STAG2: variants seen among roughly 807,000 people sequenced by gnomAD.
The protein encoded by STAG2 is STAG2 cohesin complex component.
In STAG2, 14 loss-of-function variants were observed where a neutral mutation model predicts 108.1. That is an observed-to-expected ratio of 0.13 (90% CI 0.09 to 0.20). The LOEUF (loss-of-function observed/expected upper bound fraction) is 0.20. Among genes scored for constraint, STAG2 ranks in the 10% least tolerant of loss-of-function variants. The probability of loss-of-function intolerance (pLI) is 1.00; values close to 1 mark genes in which losing one functional copy is unlikely to be tolerated. For synonymous variants in STAG2, 307 were observed against 302.7 expected, an observed-to-expected ratio of 1.01 and a Z score of -0.15; for missense variants, 440 against 940.9, an observed-to-expected ratio of 0.47 and a Z score of 6.96.
intron 5 of STAG2, among the ~76,000 whole-genome samples, chrX:124,036,289 C>T (rs1028680450): frequency 8.9e-6 from 1 of 112,064 alleles, no homozygotes; most frequent in African/African-American, 3.2e-5. Context: ...AGAAACATTT[C>T]CCTCTCCCAA....
intron 6 of STAG2, 81 bp downstream of exon 6, chrX:124,037,704 T>G: frequency 1.9e-6 from 1 of 522,282 alleles, no homozygotes; most frequent in Non-Finnish European, 2.9e-6. Context: ...GTTAGCACTT[T>G]ACATGGTAAA....
chrX:124,099,130 A>C, intron 34 of STAG2, among the ~76,000 whole-genome samples: 1 of 111,666 alleles, frequency 9.0e-6, no homozygotes, highest in Admixed American at 9.5e-5. Flanking sequence ...GCTCCATGTA[A>C]TGGAGCTAAT....
chrX:123,986,137 C>T (rs2055174472), intron 1 of STAG2, among the ~76,000 whole-genome samples: 1 of 103,819 alleles, frequency 9.6e-6, no homozygotes, highest in African/African-American at 3.5e-5. Context: ...ATATATGTAT[C>T]ATATATGTAT....
chrX:124,003,622 C>A (rs1012301312), intron 1 of STAG2: 2 of 110,138 alleles, frequency 1.8e-5, no homozygotes, highest in South Asian at 3.9e-4. Context: ...TGGGGTTTCA[C>A]CATGTTGGCC....
chrX:124,030,189 T>C (rs1380262827), intron 4 of STAG2, among the ~76,000 whole-genome samples: 1 of 111,996 alleles, frequency 8.9e-6, no homozygotes, highest in African/African-American at 3.2e-5. Flanking sequence ...AAGGTACATA[T>C]TTGATAATGA....
At chrX:123,998,415 C>T (rs1308799837) in intron 1 of STAG2, among the ~76,000 whole-genome samples, 4 of 106,968 alleles carry the variant, frequency 3.7e-5, no homozygotes, top group Non-Finnish European at 7.7e-5. Flanking sequence ...AAGTAATCCA[C>T]CCGTCTTAGC....
intron 1 of STAG2, among the ~76,000 whole-genome samples, chrX:123,997,315 A>G (rs1036569674): frequency 8.0e-5 from 9 of 112,596 alleles, no homozygotes; most frequent in Non-Finnish European, 1.7e-4. Context: ...TATATATAAC[A>G]AAATTTTCTA....
intron 1 of STAG2, among the ~76,000 whole-genome samples, chrX:124,002,380 T>C (rs772026346): frequency 2.7e-5 from 3 of 111,887 alleles, no homozygotes; most frequent in Admixed American, 1.9e-4. Flanking sequence ...TCCCAACTCT[T>C]TGGGAGGCCA....
intron 1 of STAG2, among the ~76,000 whole-genome samples, chrX:124,008,035 A>G (rs2056367651): frequency 9.0e-6 from 1 of 111,336 alleles, no homozygotes; most frequent in Admixed American, 9.6e-5. Context: ...ATGGTTAGCC[A>G]AAGTAGGTGA....
chrX:124,001,084 A>G (rs2056013028), intron 1 of STAG2, among the ~76,000 whole-genome samples: 1 of 111,388 alleles, frequency 9.0e-6, no homozygotes, highest in Non-Finnish European at 1.9e-5. Flanking sequence ...ATTATTGAAG[A>G]AGAAAAAAAA....
At chrX:123,983,213 T>A (rs2054973851) in intron 1 of STAG2, among the ~76,000 whole-genome samples, 1 of 110,358 alleles carries the variant, frequency 9.1e-6, no homozygotes, top group Admixed American at 9.6e-5. Context: ...TACAGTAGTT[T>A]TTAGTAAATT....
At chrX:123,969,238 T>A (rs2054239260) in intron 1 of STAG2, among the ~76,000 whole-genome samples, 1 of 111,371 alleles carries the variant, frequency 9.0e-6, no homozygotes, top group African/African-American at 3.3e-5. Flanking sequence ...ATTGTATTCT[T>A]GAATTTTTTG....
intron 30 of STAG2, among the ~76,000 whole-genome samples, chrX:124,088,615 C>CTT (rs35629422): frequency 0.026 from 2,125 of 82,203 alleles, 58 homozygotes; most frequent in Middle Eastern, 0.1. Flanking sequence ...TATGTATAAT[C>CTT]TTTTTTTTTT....
intron 1 of STAG2, among the ~76,000 whole-genome samples, chrX:124,007,295 G>A (rs1000244132): frequency 5.4e-5 from 6 of 111,361 alleles, no homozygotes; most frequent in East Asian, 2.8e-4. Context: ...GGGATTACAA[G>A]TGTGAGCCAT....
At chrX:124,078,214 C>G (rs959331896) in intron 27 of STAG2, among the ~76,000 whole-genome samples, 156 bp downstream of exon 27, 1 of 111,987 alleles carries the variant, frequency 8.9e-6, no homozygotes. Flanking sequence ...TGCTTTCAAA[C>G]TGTCAAGATT....
In STAG2 at chrX:124,100,899, CAA is replaced by C. The variant is rs747079670; in HGVS notation, c.*305_*306del. The C allele has an allele frequency of 2.2e-5, 4 of 182,705 alleles. No individual in the cohort carries two copies. Among genetic ancestry groups the C allele is most frequent in the East Asian group, 1.7e-4 (2 of 12,046 alleles). 15.1% of individuals were successfully genotyped at this position (182,705 alleles called of 1,213,427 possible). The stretch of plus-strand genomic sequence containing the variant: ...GCTTTTTTTTAAAAAAAAAAAAAAA[CAA>C]AATAACAATCTGAAGAGGCATTTGG... On this transcript the variant is annotated 3_prime_UTR_variant, in exon 35 of 35. Transcript: ENST00000371145.
At chrX:123,992,341 A>C (rs1014023897) in intron 1 of STAG2, among the ~76,000 whole-genome samples, 1 of 111,643 alleles carries the variant, frequency 9.0e-6, no homozygotes, top group Non-Finnish European at 1.9e-5. Context: ...TAAAATGTGT[A>C]TTATTTTTAT....
chrX:124,092,576 G>T (rs1258510563), intron 32 of STAG2, among the ~76,000 whole-genome samples: 1 of 112,001 alleles, frequency 8.9e-6, no homozygotes, highest in Admixed American at 9.5e-5. Flanking sequence ...GCAACTACAA[G>T]AAATTATCTC....
At chrX:124,019,752 A>C (rs1258410822) in intron 1 of STAG2, among the ~76,000 whole-genome samples, 1 of 111,344 alleles carries the variant, frequency 9.0e-6, no homozygotes, top group Non-Finnish European at 1.9e-5. Context: ...CCTGAGCAGC[A>C]TGGTGAAACC....
Sources: allele counts gnomAD v4.1 joint callset (sites outside exome capture counted in the v4.1 genomes callset), GRCh38; gene constraint gnomAD v4.1.1; transcripts MANE v1.5; gene names NCBI Gene and HGNC (gene_info 2026-07-23, HGNC 2026-07-21).